The following SNX18 variants were observed in gnomAD, a reference collection of about 807,000 sequenced individuals.
The protein encoded by SNX18 is sorting nexin 18, also known as sorting nexin-18.
In SNX18, 35 loss-of-function variants were observed where a neutral mutation model predicts 48.7. That is an observed-to-expected ratio of 0.72 (90% CI 0.55 to 0.95). SNX18 has a LOEUF of 0.95. Among genes scored for constraint, SNX18 ranks in the 40% least tolerant of loss-of-function variants. The pLI, the probability that SNX18 is intolerant of heterozygous loss-of-function variation, is 0.00. For missense variants in SNX18, 824 were observed against 871.0 expected (o/e 0.95, Z 0.68); for synonymous variants, 492 against 384.7 (o/e 1.28, Z -3.26).
At chr5:54,607,725 G>T in the SNX18 span, among the ~76,000 whole-genome samples, 1 of 152,092 alleles carries the variant, frequency 6.6e-6, no homozygotes. Context: ...TTGATGTCGG[G>T]AGTTCGCGAC....
At chr5:54,645,230 G>C in the SNX18 span, 1 of 152,194 alleles carries the variant, frequency 6.6e-6, no homozygotes, top group African/African-American at 2.4e-5. Context: ...TACAAAGAAA[G>C]AAAGCATTCA....
chr5:54,610,955 C>T, the SNX18 span, among the ~76,000 whole-genome samples: 1 of 152,186 alleles, frequency 6.6e-6, no homozygotes, highest in African/African-American at 2.4e-5. Context: ...CTATTGGCTA[C>T]GTTTACAAAT....
rs1762545911 is a variant in SNX18 at position 54,544,681 on chromosome 5, A to G, written c.*1249A>G. The G allele has an allele frequency of 7.7e-6, 1 of 129,716 alleles. No individual in the cohort carries two copies. The highest frequency in any genetic ancestry group is 2.8e-4 in the South Asian group (1 of 3,556). 8.0% of individuals were successfully genotyped at this position (129,716 alleles called of 1,614,324 possible). ...TAACCTTAAAATTTATTTTAAATGT[A>G]TTCTTTTATTATTATAAGGGAAATA... On this transcript the variant is annotated 3_prime_UTR_variant, in exon 2 of 2. Transcript: ENST00000381410.
chr5:54,558,445 T>C, the SNX18 span, among the ~76,000 whole-genome samples: 3 of 152,198 alleles, frequency 2.0e-5, no homozygotes, highest in Admixed American at 6.5e-5. Flanking sequence ...CACAGTCACG[T>C]AGAGCAGTAC....
At chr5:54,610,313 T>C in the SNX18 span, among the ~76,000 whole-genome samples, 1 of 152,122 alleles carries the variant, frequency 6.6e-6, no homozygotes, top group Non-Finnish European at 1.5e-5. Context: ...CACTCCGTGG[T>C]TTACCAAACC....
rs1276486710 is a variant in SNX18, at chr5:54,545,958, T to TTAA, written c.*2527_*2528insAAT. 3.3e-5 allele frequency: 5 copies of TTAA among 152,198 alleles called. No homozygotes were observed. Among genetic ancestry groups the TTAA allele is most frequent in the African/African-American group, 9.7e-5 (4 of 41,450 alleles). The allele number at this position is 152,198 out of a possible 1,614,324, so 9.4% of individuals were successfully genotyped here. On this transcript the variant is annotated 3_prime_UTR_variant, in exon 2 of 2. Coordinates refer to ENST00000381410, the MANE Select transcript of SNX18 (RefSeq NM_001102575.2). ...GTGCACTTGAGCCTGGTTTTACTGT[T>TTAA]TTTATTAGACAGAGTTGTTTATATG...
chr5:54,626,304 A>ATT, the SNX18 span, among the ~76,000 whole-genome samples: 1 of 152,122 alleles, frequency 6.6e-6, no homozygotes, highest in Non-Finnish European at 1.5e-5. Context: ...TGTACCCTAA[A>ATT]TATGAGATAA....
At chr5:54,608,805 A>G in the SNX18 span, among the ~76,000 whole-genome samples, 1 of 152,116 alleles carries the variant, frequency 6.6e-6, no homozygotes, top group African/African-American at 2.4e-5. Context: ...CCATCCTCCT[A>G]GGCTGGTGGG....
At position 54,519,399 on chromosome 5, in the gene SNX18, C is replaced by G. The variant is rs763326737; in HGVS notation, c.1447C>G (p.Gln483Glu). 48 of 1,613,566 alleles carry G rather than the reference C, an allele frequency of 3.0e-5. No individual in the cohort carries two copies. The highest frequency in any genetic ancestry group is 4.0e-5 in the Non-Finnish European group (47 of 1,179,926). Residue 483 changes from glutamine to glutamate, a missense_variant, in exon 1 of 2, where the codon CAG becomes GAG. Gln to Glu is a conservative substitution (Grantham distance 29). Around this residue, in one of 3 missense-constraint regions of SNX18, gnomAD observed 443 missense variants for 503.6 expected, o/e 0.88. Transcript: ENST00000381410. ...GLSQAFELDQQAFSVGLNQAI... is the reference protein window; with the variant it reads ...GLSQAFELDQEAFSVGLNQAI... ...CAGCCAGGCCTTTGAGCTGGACCAG[C>G]AGGCCTTCTCGGTGGGCCTGAACCA...
chr5:54,557,423 C>T, the SNX18 span, among the ~76,000 whole-genome samples: 5 of 152,302 alleles, frequency 3.3e-5, 1 homozygote, highest in South Asian at 1.0e-3. Flanking sequence ...AATATGGCAA[C>T]ATAGCATGCG....
chr5:54,568,038 G>A, the SNX18 span, among the ~76,000 whole-genome samples: 2 of 152,264 alleles, frequency 1.3e-5, no homozygotes, highest in African/African-American at 2.4e-5. Context: ...TATAAACCAT[G>A]CATATCATGC....
the SNX18 span, among the ~76,000 whole-genome samples, chr5:54,621,270 T>C: frequency 6.6e-6 from 1 of 152,206 alleles, no homozygotes; most frequent in South Asian, 2.1e-4. Flanking sequence ...GTCCTATGAG[T>C]AACTTTGCGT....
chr5:54,577,848 A>G, the SNX18 span, among the ~76,000 whole-genome samples: 5 of 152,222 alleles, frequency 3.3e-5, no homozygotes, highest in Admixed American at 1.3e-4. Context: ...GGAAGTGGCT[A>G]TAACACCACA....
the SNX18 span, among the ~76,000 whole-genome samples, chr5:54,574,014 T>C: frequency 2.6e-5 from 4 of 152,300 alleles, no homozygotes; most frequent in East Asian, 7.7e-4. Context: ...CTGAAAGCAA[T>C]TGCAATCATT....
the SNX18 span, among the ~76,000 whole-genome samples, chr5:54,631,593 T>C: frequency 6.6e-6 from 1 of 152,214 alleles, no homozygotes; most frequent in Non-Finnish European, 1.5e-5. Context: ...CTGGGTGCCA[T>C]GGCAAATGTA....
At chr5:54,554,937 C>T in the SNX18 span, among the ~76,000 whole-genome samples, 94 of 152,132 alleles carry the variant, frequency 6.2e-4, no homozygotes, top group South Asian at 1.0e-3. Flanking sequence ...ATTCATTTAT[C>T]GTCAAGGTAG....
At chr5:54,559,560 T>C in the SNX18 span, among the ~76,000 whole-genome samples, 2 of 152,040 alleles carry the variant, frequency 1.3e-5, no homozygotes, top group African/African-American at 4.8e-5. Context: ...CATCATATAA[T>C]CAACTCAAGA....
At chr5:54,581,454 C>A in the SNX18 span, among the ~76,000 whole-genome samples, 1 of 151,918 alleles carries the variant, frequency 6.6e-6, no homozygotes, top group South Asian at 2.1e-4. Flanking sequence ...ATATGACTCC[C>A]CCGGCAAAAA....
chr5:54,555,892 A>G, the SNX18 span, among the ~76,000 whole-genome samples: 1 of 152,160 alleles, frequency 6.6e-6, no homozygotes, highest in Non-Finnish European at 1.5e-5. Context: ...AAAGTATTTT[A>G]AAAGTATTAA....
Sources: gnomAD v4.1 joint callset for allele counts (sites outside exome capture counted in the v4.1 genomes callset) on GRCh38, gnomAD v4.1.1 for gene constraint, gnomAD v4.1.1 regional missense constraint, MANE v1.5 for transcripts, NCBI Gene and HGNC (gene_info 2026-07-23, HGNC 2026-07-21) for gene names.